The following PPP1R3B variants were observed in gnomAD, a reference collection of about 807,000 sequenced individuals.
The protein encoded by PPP1R3B is protein phosphatase 1 regulatory subunit 3B.
In PPP1R3B, 8 loss-of-function variants were observed where a neutral mutation model predicts 14.6. That is an observed-to-expected ratio of 0.55 (90% CI 0.32 to 0.99). The LOEUF is 0.99. Ranked by LOEUF, PPP1R3B falls within the 50% of genes least tolerant of loss-of-function variation. PPP1R3B has a pLI of 0.04. For missense variants in PPP1R3B, 452 were observed against 360.1 expected, an observed-to-expected ratio of 1.26 and a Z score of -2.07; for synonymous variants, 169 against 142.0, an observed-to-expected ratio of 1.19 and a Z score of -1.35.
intron 1 of PPP1R3B, among the ~76,000 whole-genome samples, chr8:9,146,901 C>G (rs148847397): frequency 6.6e-6 from 1 of 152,046 alleles, no homozygotes; most frequent in African/African-American, 2.4e-5. Context: ...ATTTTAGTTA[C>G]TCTTGTCCTT....
In PPP1R3B at chr8:9,141,482, T is replaced by C; in HGVS notation, c.170A>G (p.Lys57Arg). Residue 57 changes from lysine to arginine, a missense_variant, in exon 2 of 2, where the codon AAG becomes AGG. Physicochemically the swap from Lys to Arg is conservative, Grantham distance 26 (BLOSUM62 2). Coordinates refer to ENST00000310455, the MANE Select transcript of PPP1R3B (RefSeq NM_024607.4). ...GAAGGACACCCGCTTTTTCACCTTC[T>C]TCTCCTGGACAGCCGGGGCCACCAT... ...SGMVAPAVQE[K>R]KVKKRVSFAD... 6.2e-7 allele frequency: 1 copy of C among 1,614,180 alleles called. No homozygotes were observed. The highest frequency in any genetic ancestry group is 1.7e-4 in the Middle Eastern group (1 of 6,058).
At chr8:9,147,703 T>G (rs1222839143) in intron 1 of PPP1R3B, among the ~76,000 whole-genome samples, 1 of 151,766 alleles carries the variant, frequency 6.6e-6, no homozygotes, top group Admixed American at 6.6e-5. Context: ...AATTTGTCCC[T>G]GAGATCCCTT....
At position 9,141,502 on chromosome 8, in the gene PPP1R3B, C is replaced by A; in HGVS notation, c.150G>T (p.Val50=). The A allele has an allele frequency of 6.2e-7, 1 of 1,614,124 alleles. No homozygotes were observed. The highest frequency in any genetic ancestry group is 1.1e-5 in the South Asian group (1 of 91,084). The change falls in exon 2 of 2, where the codon GTG becomes GTT. Residue 50 remains valine (V), a synonymous_variant. Coordinates refer to ENST00000310455, the MANE Select transcript of PPP1R3B (RefSeq NM_024607.4). ...CCTTCTTCTCCTGGACAGCCGGGGCCACCATTCCACTGGCTTCATTCTTGC... is the reference window on the plus strand; with the variant it reads ...CCTTCTTCTCCTGGACAGCCGGGGCAACCATTCCACTGGCTTCATTCTTGC... ...LSSKNEASGM[V]APAVQEKKVK...
chr8:9,142,759 T>C (rs1221075306), intron 1 of PPP1R3B, among the ~76,000 whole-genome samples: 1 of 152,174 alleles, frequency 6.6e-6, no homozygotes, highest in African/African-American at 2.4e-5. Context: ...AGTGAGATCA[T>C]GCTATATTTG....
chr8:9,144,517 A>T (rs1212649757), intron 1 of PPP1R3B, among the ~76,000 whole-genome samples: 1 of 152,186 alleles, frequency 6.6e-6, no homozygotes, highest in African/African-American at 2.4e-5. Context: ...TTCATTAGTT[A>T]AAATTGGTAC....
At chr8:9,150,437 A>T (rs1035436138) in intron 1 of PPP1R3B, 126 bp downstream of exon 1, 6 of 152,784 alleles carry the variant, frequency 3.9e-5, no homozygotes, top group African/African-American at 1.2e-4. Flanking sequence ...GGAGCAGGCC[A>T]GTGCTCTCCA....
chr8:9,149,630 G>T (rs1300448408), intron 1 of PPP1R3B, among the ~76,000 whole-genome samples: 1 of 152,180 alleles, frequency 6.6e-6, no homozygotes, highest in Non-Finnish European at 1.5e-5. Context: ...CATTTTTAAA[G>T]ACATGGCCAT....
chr8:9,143,082 C>G (rs1198312283), intron 1 of PPP1R3B, among the ~76,000 whole-genome samples: 3 of 152,152 alleles, frequency 2.0e-5, no homozygotes, highest in Non-Finnish European at 4.4e-5. Context: ...AGGAGCCTCC[C>G]TACTATTTTC....
intron 1 of PPP1R3B, among the ~76,000 whole-genome samples, chr8:9,146,550 A>G (rs1034876519): frequency 6.6e-6 from 1 of 152,246 alleles, no homozygotes; most frequent in African/African-American, 2.4e-5. Flanking sequence ...CCATTTTTCC[A>G]AAAGTACAGA....
Position 9,141,480 on chromosome 8 carries a change from T to C in PPP1R3B, c.172A>G (p.Lys58Glu). 1 of 1,614,138 alleles carries C rather than the reference T, an allele frequency of 6.2e-7. No individual in the cohort carries two copies. The highest frequency in any genetic ancestry group is 8.5e-7 in the Non-Finnish European group (1 of 1,180,016). ...GCGAAGGACACCCGCTTTTTCACCTTCTTCTCCTGGACAGCCGGGGCCACC... is the reference window on the plus strand; with the variant it reads ...GCGAAGGACACCCGCTTTTTCACCTCCTTCTCCTGGACAGCCGGGGCCACC... ...GMVAPAVQEK[K>E]VKKRVSFADN... Residue 58 changes from lysine to glutamate, a missense_variant, in exon 2 of 2, where the codon AAG becomes GAG. By Grantham distance (56) the Lys-to-Glu change is moderately conservative. Coordinates refer to ENST00000310455, the MANE Select transcript of PPP1R3B (RefSeq NM_024607.4).
In PPP1R3B at chr8:9,136,753, C is replaced by T. The variant is rs1563121535; in HGVS notation, c.*4041G>A. 1 of 152,168 alleles carries T rather than the reference C, an allele frequency of 6.6e-6. No homozygotes were observed. The highest frequency in any genetic ancestry group is 1.5e-5 in the Non-Finnish European group (1 of 68,024). The allele number at this position is 152,168 out of a possible 1,614,324, so 9.4% of individuals were successfully genotyped here. A position where few individuals can be genotyped will look rare whatever the true frequency, so the allele number is the denominator to read the frequency against. On this transcript the variant is annotated 3_prime_UTR_variant, in exon 2 of 2. Transcript: ENST00000310455. The stretch of plus-strand genomic sequence containing the variant: ...ACTTCTTGTCTCCGATTTCAGTGAA[C>T]ATGTCAGGAGAGACGTGATCGGGAC...
Position 9,139,371 on chromosome 8 carries a change from C to G in PPP1R3B, c.*1423G>C, listed in dbSNP as rs1016080698. The G allele has an allele frequency of 1.3e-5, 2 of 152,136 alleles. No homozygotes were observed. The highest frequency in any genetic ancestry group is 2.9e-5 in the Non-Finnish European group (2 of 68,014). 9.4% of individuals were successfully genotyped at this position (152,136 alleles called of 1,614,324 possible). The stretch of plus-strand genomic sequence containing the variant: ...TCTCCCCTATCTCTTTACATACACA[C>G]CATAAATAAGAACACCCAAGTCCAT... On this transcript the variant is annotated 3_prime_UTR_variant, in exon 2 of 2. Transcript: ENST00000310455.
intron 1 of PPP1R3B, among the ~76,000 whole-genome samples, chr8:9,142,577 G>A (rs1801122596): frequency 6.6e-6 from 1 of 152,040 alleles, no homozygotes; most frequent in Admixed American, 6.6e-5. Context: ...TCATTACCAA[G>A]TATAGGCACC....
chr8:9,150,066 C>T (rs1460200904), intron 1 of PPP1R3B, among the ~76,000 whole-genome samples: 1 of 152,136 alleles, frequency 6.6e-6, no homozygotes, highest in Non-Finnish European at 1.5e-5. Flanking sequence ...TCCTAAATAC[C>T]TCAACTGTAC....
Position 9,140,903 on chromosome 8 carries a change from G to T in PPP1R3B, c.749C>A (p.Pro250Gln). 6.2e-7 allele frequency: 1 copy of T among 1,614,178 alleles called. No individual in the cohort carries two copies. The highest frequency in any genetic ancestry group is 8.5e-7 in the Non-Finnish European group (1 of 1,180,040). Reference protein sequence around the residue: ...TQGMTKPHSGPDLGISFDQFG... With the variant: ...TQGMTKPHSGQDLGISFDQFG... ...CTGGTCAAAGGATATTCCCAAATCC[G>T]GTCCACTGTGGGGCTTGGTCATTCC... The change falls in exon 2 of 2, where the codon CCG (proline) becomes CAG (glutamine). Residue 250 changes from proline (P) to glutamine (Q), a missense_variant. Coordinates refer to ENST00000310455, the MANE Select transcript of PPP1R3B (RefSeq NM_024607.4).
chr8:9,141,799 G>T, intron 1 of PPP1R3B, 131 bp from the exon 2 acceptor site: 1 of 769,036 alleles, frequency 1.3e-6, no homozygotes, highest in Non-Finnish European at 1.9e-6. Flanking sequence ...CTGGCTACAG[G>T]TCAGGATTAA....
intron 1 of PPP1R3B, among the ~76,000 whole-genome samples, chr8:9,146,168 A>G (rs1801234975): frequency 6.6e-6 from 1 of 152,184 alleles, no homozygotes; most frequent in Non-Finnish European, 1.5e-5. Flanking sequence ...TACCATGGCA[A>G]ATTTATATTT....
chr8:9,147,807 T>C (rs1250390369), intron 1 of PPP1R3B, among the ~76,000 whole-genome samples: 2 of 151,924 alleles, frequency 1.3e-5, no homozygotes, highest in African/African-American at 4.8e-5. Context: ...CTGCTGGCAC[T>C]TGAAGGAGCC....
At chr8:9,143,925 A>G (rs1395509968) in intron 1 of PPP1R3B, among the ~76,000 whole-genome samples, 3 of 152,144 alleles carry the variant, frequency 2.0e-5, no homozygotes, top group Admixed American at 1.3e-4. Context: ...CTGTGAAAAT[A>G]TTTTACAATA....
Sources: allele counts gnomAD v4.1 joint callset (sites outside exome capture counted in the v4.1 genomes callset), GRCh38; gene constraint gnomAD v4.1.1; transcripts MANE v1.5; gene names NCBI Gene and HGNC (gene_info 2026-07-23, HGNC 2026-07-21).